The following HIBCH variants were observed in gnomAD, a reference collection of about 807,000 sequenced individuals.
The protein encoded by HIBCH is 3-hydroxyisobutyryl-CoA hydrolase, also known as 3-hydroxyisobutyryl-CoA hydrolase, mitochondrial.
Under a neutral mutation model 58.2 loss-of-function variants are expected in HIBCH, and 50 were observed. The observed-to-expected ratio is 0.86, with a 90% CI of 0.68 to 1.09. The LOEUF (loss-of-function observed/expected upper bound fraction) is 1.09. Ranked by LOEUF, HIBCH falls within the 50% of genes least tolerant of loss-of-function variation. The probability of loss-of-function intolerance (pLI) is 0.00; values close to 1 mark genes in which losing one functional copy is unlikely to be tolerated. For missense variants in HIBCH, 450 were observed against 449.7 expected, an observed-to-expected ratio of 1.00 and a Z score of -0.01; for synonymous variants, 151 against 146.9, an observed-to-expected ratio of 1.03 and a Z score of -0.20.
Position 190,210,268 on chromosome 2 carries a change from CA to C in HIBCH, c.1012-1356del, listed in dbSNP as rs929660047. Among the ~76,000 whole-genome samples the C allele has an allele frequency of 2.0e-4, 29 of 148,542 alleles. No homozygotes were observed. The highest frequency in any genetic ancestry group is 7.2e-4 in the African/African-American group (29 of 40,456). Reference sequence around the variant, plus strand: ...CCCATGACATCGGCATCGCCAAGGTCAAATGACACTTCTAACCTCGTCTACA... The same window carrying C: ...CCCATGACATCGGCATCGCCAAGGTCAATGACACTTCTAACCTCGTCTACA... On this transcript the variant is annotated intron_variant, in intron 12 of 13. Coordinates refer to ENST00000359678, the MANE Select transcript of HIBCH (RefSeq NM_014362.4). The surrounding 1 kb of genome is among the most constrained non-coding windows in gnomAD (Gnocchi z 5.5).
chr2:190,308,770 A>C (rs140805609), intron 2 of HIBCH, among the ~76,000 whole-genome samples: 21 of 152,348 alleles, frequency 1.4e-4, no homozygotes, highest in African/African-American at 4.8e-4. Context: ...GGACTAACAC[A>C]GTTAGGAAGG....
intron 11 of HIBCH, among the ~76,000 whole-genome samples, chr2:190,237,984 T>C (rs1686331244): frequency 6.6e-6 from 1 of 152,206 alleles, no homozygotes; most frequent in Non-Finnish European, 1.5e-5. Flanking sequence ...TCCATGTCCC[T>C]GCAAAGGACA....
intron 11 of HIBCH, among the ~76,000 whole-genome samples, chr2:190,219,027 T>C (rs895302257): frequency 6.6e-6 from 1 of 152,186 alleles, no homozygotes; most frequent in Non-Finnish European, 1.5e-5. Context: ...TCTGGTGGTA[T>C]TATGGGAAAG....
chr2:190,227,297 G>A (rs1457136421), intron 11 of HIBCH, among the ~76,000 whole-genome samples: 6 of 151,792 alleles, frequency 4.0e-5, no homozygotes, highest in Admixed American at 2.0e-4. Context: ...CTTGACAAAC[G>A]TGACAAAAAG....
chr2:190,292,719 ATCATCTTTTAT>A (rs1262447558), intron 4 of HIBCH, among the ~76,000 whole-genome samples: 9 of 152,214 alleles, frequency 5.9e-5, no homozygotes, highest in Admixed American at 5.9e-4. Flanking sequence ...ATCTTTGTTT[ATCATCTTTTAT>A]TCAGCTCTTA....
chr2:190,221,496 T>C (rs1370867882), intron 11 of HIBCH, among the ~76,000 whole-genome samples: 1 of 152,174 alleles, frequency 6.6e-6, no homozygotes, highest in African/African-American at 2.4e-5. Context: ...CATGGCAGCA[T>C]ACAAATTTTA....
chr2:190,274,459 C>T (rs568800331), intron 6 of HIBCH, among the ~76,000 whole-genome samples: 9 of 152,222 alleles, frequency 5.9e-5, no homozygotes, highest in African/African-American at 1.7e-4. Flanking sequence ...GTAATGTATA[C>T]GCTCATTATT....
At position 190,279,745 on chromosome 2, in the gene HIBCH, T is replaced by G. The variant is rs1169275256; in HGVS notation, c.438+7841A>C. 4 of 175,154 alleles carry G rather than the reference T, an allele frequency of 2.3e-5. No homozygotes were observed. The highest frequency in any genetic ancestry group is 4.8e-5 in the African/African-American group (2 of 41,880). The allele number at this position is 175,154 out of a possible 1,614,324, so 10.8% of individuals were successfully genotyped here. ...ATTTGCCCTGGCATGCTTATACTGG[T>G]CCAAGCAAGCATTAGGTCATAGCCT... On this transcript the variant is annotated intron_variant, in intron 6 of 13. Transcript: ENST00000359678. The surrounding 1 kb of genome is among the most constrained non-coding windows in gnomAD (Gnocchi z 4.2).
At chr2:190,263,024 T>G (rs1213031086) in intron 6 of HIBCH, among the ~76,000 whole-genome samples, 1 of 152,184 alleles carries the variant, frequency 6.6e-6, no homozygotes, top group Non-Finnish European at 1.5e-5. Context: ...TAATGGCAGA[T>G]TCGTAACTAA....
At position 190,252,237 on chromosome 2, in the gene HIBCH, T is replaced by C; in HGVS notation, c.588A>G (p.Ala196=). The C allele has an allele frequency of 6.2e-7, 1 of 1,613,782 alleles. No individual in the cohort carries two copies. Residue 196 remains alanine (A), a synonymous_variant, in exon 8 of 14, where the codon GCA becomes GCG. Transcript: ENST00000359678. ...TTCCTTTTAGTCTGAATCCTGTTAATGCAAGGAAGTAACCAAGTTTTCCTT... is the reference window on the plus strand; with the variant it reads ...TTCCTTTTAGTCTGAATCCTGTTAACGCAAGGAAGTAACCAAGTTTTCCTT... ...RLQGKLGYFL[A]LTGFRLKGRD... is the part of the protein sequence containing the mutation.
chr2:190,246,672 T>C (rs1037061317), intron 9 of HIBCH, among the ~76,000 whole-genome samples: 2 of 152,192 alleles, frequency 1.3e-5, no homozygotes, highest in African/African-American at 4.8e-5. Context: ...TTTCTGTTGT[T>C]GTTTTAATTC....
rs796951832 is a variant in HIBCH at position 190,204,452 on chromosome 2, A to G, written c.*665T>C. 6.6e-6 allele frequency: 1 copy of G among 152,186 alleles called. No individual in the cohort carries two copies. Among genetic ancestry groups the G allele is most frequent in the Non-Finnish European group, 1.5e-5 (1 of 68,014 alleles). 9.4% of individuals were successfully genotyped at this position (152,186 alleles called of 1,614,324 possible). ...TTTTAGGGAAGACCAAGTCTGAGTTAATACTGAAGAGGGACGTTAATAAAA... is the reference window on the plus strand; with the variant it reads ...TTTTAGGGAAGACCAAGTCTGAGTTGATACTGAAGAGGGACGTTAATAAAA... On this transcript the variant is annotated 3_prime_UTR_variant, in exon 14 of 14. Coordinates refer to ENST00000359678, the MANE Select transcript of HIBCH (RefSeq NM_014362.4).
At chr2:190,245,103 T>C in intron 10 of HIBCH, 135 bp from the exon 11 acceptor site, 1 of 688,218 alleles carries the variant, frequency 1.5e-6, no homozygotes, top group Non-Finnish European at 2.7e-6. Flanking sequence ...TAACAGGACG[T>C]GAAAAGAAAG....
Position 190,278,738 on chromosome 2 carries a change from C to CAAAA in HIBCH, c.438+8844_438+8847dup, listed in dbSNP as rs34358967. 5.4e-4 allele frequency among the ~76,000 whole-genome samples: 43 copies of CAAAA among 79,536 alleles called. 1 individual carries two copies. The highest frequency in any genetic ancestry group is 7.3e-4 in the Non-Finnish European group (32 of 43,662). 52.2% of individuals were successfully genotyped at this position (79,536 alleles called of 152,430 possible). On this transcript the variant is annotated intron_variant, in intron 6 of 13. Transcript: ENST00000359678. ...TGGGCAAAAGAGTGAGACTCCATCT[C>CAAAA]AAAAAAAAAAAAAAAAAAAAGCCTA...
At chr2:190,232,491 G>C (rs1160782879) in intron 11 of HIBCH, among the ~76,000 whole-genome samples, 2 of 152,170 alleles carry the variant, frequency 1.3e-5, no homozygotes, top group South Asian at 2.1e-4. Context: ...TGCTGGAGGT[G>C]CAAGTACCCA....
intron 8 of HIBCH, among the ~76,000 whole-genome samples, chr2:190,250,771 C>T (rs1482925036): frequency 6.6e-6 from 1 of 152,210 alleles, no homozygotes; most frequent in Non-Finnish European, 1.5e-5. Flanking sequence ...TTGTATGCTT[C>T]ATACATTTTA....
At chr2:190,291,900 A>G (rs1559055925) in intron 4 of HIBCH, among the ~76,000 whole-genome samples, 1 of 152,246 alleles carries the variant, frequency 6.6e-6, no homozygotes, top group Non-Finnish European at 1.5e-5. Context: ...AACATTTCAT[A>G]GATATGTTTC....
In HIBCH at chr2:190,287,577, T is replaced by A. The variant is rs201813923; in HGVS notation, c.438+9A>T. On this transcript the variant is annotated intron_variant, in intron 6 of 13. Coordinates refer to ENST00000359678, the MANE Select transcript of HIBCH (RefSeq NM_014362.4). Reference sequence around the variant, plus strand: ...CTCATACAATGATCAGAGTAAAAAGTCTACTTACCCCACCCATTGTAATTC... The same window carrying A: ...CTCATACAATGATCAGAGTAAAAAGACTACTTACCCCACCCATTGTAATTC... The A allele has an allele frequency of 1.3e-3, 2,038 of 1,585,968 alleles. 7 individuals are homozygous for A. Among genetic ancestry groups the A allele is most frequent in the South Asian group, 7.8e-3 (703 of 90,394 alleles).
intron 7 of HIBCH, among the ~76,000 whole-genome samples, chr2:190,259,975 C>G (rs1345294511): frequency 6.6e-6 from 1 of 152,090 alleles, no homozygotes; most frequent in Admixed American, 6.6e-5. Flanking sequence ...TGGTAGAAGA[C>G]TAAATGCTTT....
Sources: gnomAD v4.1 joint callset for allele counts (sites outside exome capture counted in the v4.1 genomes callset) on GRCh38, gnomAD v4.1.1 for gene constraint, Gnocchi (gnomAD v3.1) non-coding constraint, MANE v1.5 for transcripts, NCBI Gene and HGNC (gene_info 2026-07-23, HGNC 2026-07-21) for gene names.